Variants in ATRNL1 observed in about 807,000 individuals in gnomAD.
The protein encoded by ATRNL1 is attractin like 1.
A neutral mutation model predicts 182.7 loss-of-function variants in ATRNL1; 95 were observed. The observed-to-expected ratio is 0.52, with a 90% CI of 0.44 to 0.62. The LOEUF (loss-of-function observed/expected upper bound fraction) is 0.62. Among genes scored for constraint, ATRNL1 ranks in the 20% least tolerant of loss-of-function variants. ATRNL1 has a pLI of 0.00. For missense variants in ATRNL1, 1,471 were observed against 1,679.5 expected, an observed-to-expected ratio of 0.88 and a Z score of 2.17; for synonymous variants, 576 against 568.3, an observed-to-expected ratio of 1.01 and a Z score of -0.19.
At chr10:115,329,502 G>T (rs1228999112) in intron 18 of ATRNL1, among the ~76,000 whole-genome samples, 8 of 151,966 alleles carry the variant, frequency 5.3e-5, no homozygotes, top group Admixed American at 5.2e-4. Context: ...TACTACTATT[G>T]TTTTGCTTTC....
At chr10:115,355,397 G>A (rs1856458403) in intron 19 of ATRNL1, among the ~76,000 whole-genome samples, 1 of 152,098 alleles carries the variant, frequency 6.6e-6, no homozygotes, top group Non-Finnish European at 1.5e-5. Flanking sequence ...TACTCTTGCA[G>A]ACTCTAGGTA....
chr10:115,405,137 AC>A (rs1180512192), intron 20 of ATRNL1, among the ~76,000 whole-genome samples: 2 of 152,186 alleles, frequency 1.3e-5, no homozygotes, highest in Admixed American at 1.3e-4. Flanking sequence ...CATTTATTTT[AC>A]TTTGATCAGT....
chr10:115,672,607 T>C (rs1945732984), intron 26 of ATRNL1, among the ~76,000 whole-genome samples: 1 of 152,094 alleles, frequency 6.6e-6, no homozygotes, highest in African/African-American at 2.4e-5. Context: ...GTTAAGAATA[T>C]AGGCTTCTTA....
intron 27 of ATRNL1, among the ~76,000 whole-genome samples, chr10:115,815,362 A>G (rs113412805): frequency 0.061 from 9,225 of 151,278 alleles, 885 homozygotes; most frequent in African/African-American, 0.2. Context: ...CGAAGTTGCT[A>G]TTGAATTTTA....
At chr10:115,711,892 C>T (rs1947073250) in intron 26 of ATRNL1, among the ~76,000 whole-genome samples, 1 of 152,130 alleles carries the variant, frequency 6.6e-6, no homozygotes, top group Admixed American at 6.5e-5. Context: ...TAAATAAAAT[C>T]TCCTCACTTT....
At chr10:115,603,142 G>T (rs1208501208) in intron 26 of ATRNL1, among the ~76,000 whole-genome samples, 1 of 152,078 alleles carries the variant, frequency 6.6e-6, no homozygotes, top group Non-Finnish European at 1.5e-5. Flanking sequence ...TTTAATGGAC[G>T]TTTCATTTCA....
chr10:115,366,847 C>G (rs1472912718), intron 19 of ATRNL1, among the ~76,000 whole-genome samples: 4 of 144,438 alleles, frequency 2.8e-5, no homozygotes, highest in Non-Finnish European at 4.5e-5. Context: ...AATATTGGCC[C>G]CCACTCTCTT....
At chr10:115,395,803 T>C (rs1260444248) in intron 20 of ATRNL1, among the ~76,000 whole-genome samples, 5 of 151,778 alleles carry the variant, frequency 3.3e-5, no homozygotes, top group Non-Finnish European at 7.4e-5. Flanking sequence ...TTTTAGGCTA[T>C]TTAAATTGTT....
chr10:115,226,389 GA>G (rs1214721742), intron 9 of ATRNL1, among the ~76,000 whole-genome samples: 3 of 151,852 alleles, frequency 2.0e-5, no homozygotes, highest in Non-Finnish European at 4.4e-5. Context: ...ATTAGTAAAA[GA>G]AAAATGATAG....
At chr10:115,848,930 C>T (rs781895427) in intron 28 of ATRNL1, among the ~76,000 whole-genome samples, 11 of 152,134 alleles carry the variant, frequency 7.2e-5, no homozygotes, top group Non-Finnish European at 1.3e-4. Flanking sequence ...GATGATGAAC[C>T]GGCCTCCTTG....
intron 26 of ATRNL1, among the ~76,000 whole-genome samples, chr10:115,625,455 A>G (rs782419383): frequency 1.1e-4 from 16 of 152,168 alleles, no homozygotes; most frequent in Non-Finnish European, 2.2e-4. Flanking sequence ...GTAGTTTTAT[A>G]CCTTTTTTGT....
intron 5 of ATRNL1, among the ~76,000 whole-genome samples, chr10:115,150,561 T>G (rs1564776798): frequency 6.6e-6 from 1 of 152,084 alleles, no homozygotes; most frequent in Non-Finnish European, 1.5e-5. Flanking sequence ...AAAAGTTTTT[T>G]TATTTTCTCT....
At chr10:115,744,852 T>A (rs1215367503) in intron 27 of ATRNL1, among the ~76,000 whole-genome samples, 1 of 152,170 alleles carries the variant, frequency 6.6e-6, no homozygotes, top group African/African-American at 2.4e-5. Flanking sequence ...TGTTAATTTT[T>A]AAATAATGTT....
At chr10:115,656,934 G>A (rs896876652) in intron 26 of ATRNL1, among the ~76,000 whole-genome samples, 1 of 151,998 alleles carries the variant, frequency 6.6e-6, no homozygotes, top group African/African-American at 2.4e-5. Context: ...GCTCACATTT[G>A]TTTCAATGTT....
intron 26 of ATRNL1, among the ~76,000 whole-genome samples, chr10:115,647,746 A>G (rs1593004273): frequency 6.6e-6 from 1 of 152,226 alleles, no homozygotes; most frequent in East Asian, 1.9e-4. Flanking sequence ...CCCGTTCTGT[A>G]GGTTGCCTGT....
intron 1 of ATRNL1, among the ~76,000 whole-genome samples, chr10:115,114,622 A>C (rs1844399250): frequency 6.6e-6 from 1 of 152,208 alleles, no homozygotes; most frequent in Non-Finnish European, 1.5e-5. Context: ...ACAAAAGGTC[A>C]AAACATATAT....
intron 14 of ATRNL1, among the ~76,000 whole-genome samples, chr10:115,282,085 A>G (rs1055314907): frequency 4.1e-5 from 6 of 146,110 alleles, no homozygotes; most frequent in Non-Finnish European, 9.0e-5. Flanking sequence ...TTAAAATTAT[A>G]TATCTAGTAA....
intron 21 of ATRNL1, among the ~76,000 whole-genome samples, chr10:115,441,879 A>G (rs1351797749): frequency 6.6e-6 from 1 of 151,350 alleles, no homozygotes; most frequent in Middle Eastern, 3.2e-3. Flanking sequence ...TCCTTTCTCA[A>G]CCCTTACTTT....
At chr10:115,465,920 A>G (rs1216799148) in intron 22 of ATRNL1, among the ~76,000 whole-genome samples, 1 of 151,556 alleles carries the variant, frequency 6.6e-6, no homozygotes, top group Non-Finnish European at 1.5e-5. Context: ...TGGATATGGA[A>G]CACTGTTAAG....
Sources: allele counts gnomAD v4.1 joint callset (sites outside exome capture counted in the v4.1 genomes callset), GRCh38; gene constraint gnomAD v4.1.1; transcripts MANE v1.5; gene names NCBI Gene and HGNC (gene_info 2026-07-23, HGNC 2026-07-21).